The following OR2L13 variants were observed in gnomAD, a reference collection of about 807,000 sequenced individuals.
The protein encoded by OR2L13 is olfactory receptor 2L13.
Under a neutral mutation model 15.3 loss-of-function variants are expected in OR2L13, and 14 were observed. The observed-to-expected ratio is 0.91, with a 90% CI of 0.60 to 1.43. OR2L13 has a LOEUF of 1.43. Ranked by LOEUF, OR2L13 falls within the 40% of genes most tolerant of loss-of-function variation. OR2L13 has a pLI of 0.00. For missense variants in OR2L13, 367 were observed against 387.9 expected (o/e 0.95, Z 0.45); for synonymous variants, 152 against 142.9 (o/e 1.06, Z -0.45).
chr1:247,963,141 G>A, the OR2L13 span, among the ~76,000 whole-genome samples: 3 of 152,164 alleles, frequency 2.0e-5, no homozygotes, highest in Admixed American at 2.0e-4. Flanking sequence ...CTACTCATAG[G>A]CAGAGTAGCA....
the OR2L13 span, among the ~76,000 whole-genome samples, chr1:247,969,187 G>A: frequency 6.6e-6 from 1 of 151,836 alleles, no homozygotes; most frequent in Non-Finnish European, 1.5e-5. Context: ...TTTTTTGATG[G>A]GGTTGTTTGT....
At chr1:247,997,745 T>G in the OR2L13 span, among the ~76,000 whole-genome samples, 17,606 of 152,200 alleles carry the variant, frequency 0.12, 1,583 homozygotes, top group African/African-American at 0.26. Flanking sequence ...CTAAATACAT[T>G]ATCAGAACTC....
At chr1:248,060,568 C>T in the OR2L13 span, 4 of 792,544 alleles carry the variant, frequency 5.0e-6, no homozygotes, top group Non-Finnish European at 8.5e-6. Context: ...AGTGTCAACT[C>T]CAGTCTCAAG....
chr1:248,037,213 A>T, the OR2L13 span, among the ~76,000 whole-genome samples: 2 of 152,326 alleles, frequency 1.3e-5, no homozygotes, highest in East Asian at 3.9e-4. Context: ...CCAAATAATG[A>T]TGTCTAACTT....
At chr1:247,986,031 T>C in the OR2L13 span, among the ~76,000 whole-genome samples, 4 of 152,322 alleles carry the variant, frequency 2.6e-5, no homozygotes, top group Admixed American at 2.6e-4. Context: ...ATGAGTAGAT[T>C]GCAAAAAATT....
chr1:247,991,759 G>A, the OR2L13 span, among the ~76,000 whole-genome samples: 2 of 149,620 alleles, frequency 1.3e-5, no homozygotes, highest in African/African-American at 5.0e-5. Flanking sequence ...CTTGGGATCA[G>A]CTCCTCTGCT....
chr1:248,001,728 A>C, the OR2L13 span, among the ~76,000 whole-genome samples: 1 of 152,134 alleles, frequency 6.6e-6, no homozygotes, highest in African/African-American at 2.4e-5. Flanking sequence ...AATATTATAT[A>C]ATAGGACATT....
chr1:248,007,972 A>G, the OR2L13 span, among the ~76,000 whole-genome samples: 1 of 152,198 alleles, frequency 6.6e-6, no homozygotes, highest in Non-Finnish European at 1.5e-5. Flanking sequence ...ATGCTGACTC[A>G]GCATATTTAT....
chr1:248,061,661 C>T, the OR2L13 span: 5 of 1,532,726 alleles, frequency 3.3e-6, no homozygotes, highest in African/African-American at 5.5e-5. Context: ...AGATACACAT[C>T]CATCCAGCAG....
At chr1:248,084,516 C>T in the OR2L13 span, 2 of 1,612,992 alleles carry the variant, frequency 1.2e-6, no homozygotes, top group South Asian at 2.2e-5. Context: ...TCAGAACCAT[C>T]ATGAAGAGGA....
At chr1:247,941,148 A>G in the OR2L13 span, among the ~76,000 whole-genome samples, 1 of 151,932 alleles carries the variant, frequency 6.6e-6, no homozygotes, top group African/African-American at 2.4e-5. Context: ...TGGGCATTAG[A>G]TATTTGTCAG....
At chr1:247,972,821 A>C in the OR2L13 span, among the ~76,000 whole-genome samples, 1 of 152,136 alleles carries the variant, frequency 6.6e-6, no homozygotes, top group Non-Finnish European at 1.5e-5. Flanking sequence ...GAGACACAAC[A>C]AAAAAACAAA....
the OR2L13 span, among the ~76,000 whole-genome samples, chr1:248,027,527 C>T: frequency 3.3e-5 from 5 of 152,136 alleles, no homozygotes; most frequent in African/African-American, 4.8e-5. Flanking sequence ...ACCACGGAAC[C>T]TGCCAACATG....
chr1:247,965,929 C>T, the OR2L13 span: 5 of 1,611,076 alleles, frequency 3.1e-6, no homozygotes, highest in Non-Finnish European at 4.2e-6. Context: ...TCCAGCTCTA[C>T]TATCATTGGT....
chr1:247,953,995 C>G, the OR2L13 span, among the ~76,000 whole-genome samples: 1 of 151,756 alleles, frequency 6.6e-6, no homozygotes, highest in African/African-American at 2.4e-5. Context: ...ATAAAGACAT[C>G]TTGCTTTGAC....
At chr1:247,990,550 G>A in the OR2L13 span, 1 of 1,564,938 alleles carries the variant, frequency 6.4e-7, no homozygotes, top group Non-Finnish European at 8.8e-7. Context: ...CTCCTTCACT[G>A]GGTGTGGGAT....
At chr1:248,066,018 C>A in the OR2L13 span, among the ~76,000 whole-genome samples, 1 of 152,144 alleles carries the variant, frequency 6.6e-6, no homozygotes, top group Non-Finnish European at 1.5e-5. Context: ...TGGAGGAATG[C>A]AGTCTGAATA....
At chr1:248,060,680 C>G in the OR2L13 span, 4 of 1,608,866 alleles carry the variant, frequency 2.5e-6, no homozygotes, top group African/African-American at 5.3e-5. Context: ...CACGAATGCC[C>G]CATGGAAAAT....
At chr1:248,065,791 C>T in the OR2L13 span, among the ~76,000 whole-genome samples, 1 of 151,990 alleles carries the variant, frequency 6.6e-6, no homozygotes, top group Non-Finnish European at 1.5e-5. Flanking sequence ...GAATTACATG[C>T]CATCCACAAA....
Sources: allele counts gnomAD v4.1 joint callset (sites outside exome capture counted in the v4.1 genomes callset), GRCh38; gene constraint gnomAD v4.1.1; transcripts MANE v1.5; gene names NCBI Gene and HGNC (gene_info 2026-07-23, HGNC 2026-07-21).